Variants in CEP83 observed in about 807,000 individuals in gnomAD.
The protein encoded by CEP83 is centrosomal protein of 83 kDa.
CEP83 carries 70 observed loss-of-function variants against 101.9 expected under a neutral mutation model. The ratio of observed to expected loss-of-function variants is 0.69; its 90% CI spans 0.57 to 0.84. The LOEUF (loss-of-function observed/expected upper bound fraction) is 0.84. Ranked by LOEUF, CEP83 falls within the 40% of genes least tolerant of loss-of-function variation. CEP83 has a pLI of 0.00. For missense variants in CEP83, 715 were observed against 787.2 expected (o/e 0.91, Z 1.10); for synonymous variants, 264 against 267.9 (o/e 0.99, Z 0.14).
chr12:94,400,433 C>T (rs1447443492), intron 6 of CEP83, among the ~76,000 whole-genome samples: 1 of 152,138 alleles, frequency 6.6e-6, no homozygotes, highest in Non-Finnish European at 1.5e-5. Flanking sequence ...GTATAAACCC[C>T]TTGTTTATAT....
chr12:94,454,435 C>T (rs891137537), intron 1 of CEP83, among the ~76,000 whole-genome samples: 11 of 152,058 alleles, frequency 7.2e-5, no homozygotes, highest in South Asian at 2.1e-4. Flanking sequence ...CACCAATCAG[C>T]GCTCTGTGTC....
chr12:94,317,849 G>C (rs1393296328), intron 14 of CEP83, among the ~76,000 whole-genome samples: 2 of 152,148 alleles, frequency 1.3e-5, no homozygotes, highest in Admixed American at 1.3e-4. Context: ...CAGGTAGCAT[G>C]ATGACTCCAC....
At chr12:94,405,778 C>T (rs796809864) in intron 4 of CEP83, among the ~76,000 whole-genome samples, 49 of 152,296 alleles carry the variant, frequency 3.2e-4, no homozygotes, top group African/African-American at 1.1e-3. Context: ...TCATGAGGGA[C>T]TCCCTGAGTT....
At chr12:94,426,068 G>A (rs1489874564) in intron 2 of CEP83, among the ~76,000 whole-genome samples, 3 of 151,126 alleles carry the variant, frequency 2.0e-5, no homozygotes, top group African/African-American at 7.3e-5. Context: ...CTTGCAGTGA[G>A]CCAAGATCAC....
intron 5 of CEP83, 40 bp downstream of exon 5, chr12:94,403,130 C>T (rs778749387): frequency 2.0e-6 from 2 of 1,013,602 alleles, no homozygotes; most frequent in African/African-American, 1.6e-5. Flanking sequence ...ACTTTGATCC[C>T]ATGAGGATAA....
At chr12:94,393,405 A>C (rs539426707) in intron 6 of CEP83, among the ~76,000 whole-genome samples, 1 of 152,146 alleles carries the variant, frequency 6.6e-6, no homozygotes, top group Non-Finnish European at 1.5e-5. Flanking sequence ...TGCAGAAAAG[A>C]CCTTTGACAA....
intron 7 of CEP83, 67 bp from the exon 8 acceptor site, chr12:94,376,084 A>G (rs963055234): frequency 2.1e-6 from 2 of 957,574 alleles, no homozygotes; most frequent in Non-Finnish European, 1.5e-6. Flanking sequence ...AATAAGCACT[A>G]TTTAAAATAC....
At chr12:94,441,270 T>C (rs946405464) in intron 1 of CEP83, among the ~76,000 whole-genome samples, 3 of 152,056 alleles carry the variant, frequency 2.0e-5, no homozygotes, top group Admixed American at 2.0e-4. Context: ...TCACAAACTA[T>C]GCATCCCACA....
At position 94,385,192 on chromosome 12, in the gene CEP83, C is replaced by G. The variant is rs148884594; in HGVS notation, c.550-6150G>C. ...GAACAGGGGTGGGAGTTCTGGTTCC[C>G]CATTAGGCCTCAACTGACACCTCCC... On this transcript the variant is annotated intron_variant, in intron 6 of 16. Coordinates refer to ENST00000397809, the MANE Select transcript of CEP83 (RefSeq NM_016122.3). 2.6e-3 allele frequency among the ~76,000 whole-genome samples: 400 copies of G among 152,152 alleles called. 1 individual carries two copies. The highest frequency in any genetic ancestry group is 9.2e-3 in the African/African-American group (381 of 41,492).
At chr12:94,443,618 G>A (rs545735093) in intron 1 of CEP83, among the ~76,000 whole-genome samples, 127 of 152,008 alleles carry the variant, frequency 8.4e-4, no homozygotes, top group Admixed American at 1.5e-3. Flanking sequence ...TCAGCCTCCC[G>A]AGTGGCTGGG....
At chr12:94,447,898 G>T (rs531569023) in intron 1 of CEP83, among the ~76,000 whole-genome samples, 2 of 151,818 alleles carry the variant, frequency 1.3e-5, no homozygotes, top group South Asian at 2.1e-4. Flanking sequence ...AAGAAAAGAG[G>T]AAAAAGCAAA....
At chr12:94,293,612 T>C in the CEP83 span, among the ~76,000 whole-genome samples, 1 of 152,146 alleles carries the variant, frequency 6.6e-6, no homozygotes, top group Non-Finnish European at 1.5e-5. Context: ...AGCTCTGCTG[T>C]CTCTTCCTTT....
At chr12:94,351,669 C>T (rs966248169) in intron 11 of CEP83, among the ~76,000 whole-genome samples, 1 of 152,100 alleles carries the variant, frequency 6.6e-6, no homozygotes, top group African/African-American at 2.4e-5. Context: ...GAACTAGCTG[C>T]CAGCCACTGC....
In CEP83 at chr12:94,308,802, C is replaced by G. The variant is rs373868715; in HGVS notation, c.*11G>C. 4 of 1,571,784 alleles carry G rather than the reference C, an allele frequency of 2.5e-6. No homozygotes were observed. The highest frequency in any genetic ancestry group is 3.5e-6 in the Non-Finnish European group (4 of 1,141,960). On this transcript the variant is annotated 3_prime_UTR_variant, in exon 17 of 17. Coordinates refer to ENST00000397809, the MANE Select transcript of CEP83 (RefSeq NM_016122.3). The stretch of plus-strand genomic sequence containing the variant: ...CTTCACCTCTTTTGATCTGCCTGTT[C>G]TCCAAGAACATCATTCTCCGGAAGA...
rs573292579 is a variant in CEP83, at chr12:94,354,808, G to A, written c.1343+12986C>T. 1.2e-4 allele frequency among the ~76,000 whole-genome samples: 18 copies of A among 152,162 alleles called. No individual in the cohort carries two copies. In the East Asian group the frequency reaches 2.5e-3, roughly 21 times the overall value. On this transcript the variant is annotated intron_variant, in intron 11 of 16. Coordinates refer to ENST00000397809, the MANE Select transcript of CEP83 (RefSeq NM_016122.3). ...AGGAGGATCACAAGGTCAAGAGATC[G>A]AAACCATCCTGGCCATCATGGTGAA...
chr12:94,420,935 G>C (rs952757828), intron 2 of CEP83, among the ~76,000 whole-genome samples: 2 of 152,102 alleles, frequency 1.3e-5, no homozygotes, highest in African/African-American at 2.4e-5. Context: ...GATGAGGCTA[G>C]TAACGTTCTA....
Position 94,378,932 on chromosome 12 carries a change from C to A in CEP83, c.660G>T (p.Leu220Phe), listed in dbSNP as rs200247290. The change falls in exon 7 of 17, where the codon TTG becomes TTT. Residue 220 changes from leucine (L) to phenylalanine (F), a missense_variant. Transcript: ENST00000397809. ...VEQLAREKVY[L>F]CQKLKGLEAE... ...CCTCTAAACCTTTTAATTTTTGACA[C>A]AAATAGACTTTTTCTCGAGCAAGTT... 2.5e-6 allele frequency: 4 copies of A among 1,614,046 alleles called. No individual in the cohort carries two copies. The highest frequency in any genetic ancestry group is 3.4e-6 in the Non-Finnish European group (4 of 1,179,974).
At chr12:94,274,565 G>A in the CEP83 span, among the ~76,000 whole-genome samples, 7 of 152,210 alleles carry the variant, frequency 4.6e-5, no homozygotes, top group Admixed American at 4.6e-4. Context: ...AAGGAAATAG[G>A]AAGAGGCAGG....
chr12:94,312,572 C>T (rs1211574322), intron 15 of CEP83: 1 of 985,246 alleles, frequency 1.0e-6, no homozygotes, highest in Non-Finnish European at 1.2e-6. Context: ...CAAAACTGAC[C>T]TTTGATTCAA....
Sources: gnomAD v4.1 joint callset for allele counts (sites outside exome capture counted in the v4.1 genomes callset) on GRCh38, gnomAD v4.1.1 for gene constraint, MANE v1.5 for transcripts, NCBI Gene and HGNC (gene_info 2026-07-23, HGNC 2026-07-21) for gene names.